ACTL6B: variants seen among roughly 807,000 people sequenced by gnomAD.
The protein encoded by ACTL6B is actin like 6B.
Under a neutral mutation model 63.3 loss-of-function variants are expected in ACTL6B, and 48 were observed. The ratio of observed to expected loss-of-function variants is 0.76; its 90% CI spans 0.60 to 0.96. The LOEUF (loss-of-function observed/expected upper bound fraction) is 0.96. Ranked by LOEUF, ACTL6B falls within the 50% of genes least tolerant of loss-of-function variation. The probability of loss-of-function intolerance (pLI) is 0.00; values close to 1 mark genes in which losing one functional copy is unlikely to be tolerated. For synonymous variants in ACTL6B, 230 were observed against 223.8 expected (o/e 1.03, Z -0.25); for missense variants, 350 against 572.2 (o/e 0.61, Z 3.96).
At position 100,655,889 on chromosome 7, in the gene ACTL6B, G is replaced by A. The variant is rs1804031244; in HGVS notation, c.26-10C>T. On this transcript the variant is annotated splice_polypyrimidine_tract_variant and intron_variant, in intron 1 of 13. Transcript: ENST00000160382. The surrounding 1 kb of genome is among the most constrained non-coding windows in gnomAD (Gnocchi z 4.4). ...AGCGCCCCCACCTCATCTGTGCGGG[G>A]AGACAGGCCTGTAAGGGGACCTCCC... The A allele has an allele frequency of 3.2e-6, 5 of 1,562,466 alleles. No individual in the cohort carries two copies. The highest frequency in any genetic ancestry group is 3.5e-6 in the Non-Finnish European group (4 of 1,153,048).
intron 1 of ACTL6B, 67 bp downstream of exon 1, chr7:100,656,263 A>G: frequency 7.3e-7 from 1 of 1,367,306 alleles, no homozygotes; most frequent in Non-Finnish European, 9.4e-7. Flanking sequence ...GGGTGCCCAG[A>G]GCTCGGATGG....
Position 100,650,082 on chromosome 7 carries a change from G to A in ACTL6B, c.423C>T (p.Tyr141=). 6.2e-7 allele frequency: 1 copy of A among 1,613,982 alleles called. No individual in the cohort carries two copies. Among genetic ancestry groups the A allele is most frequent in the Non-Finnish European group, 8.5e-7 (1 of 1,180,008 alleles). The change falls in exon 5 of 14, where the codon TAC becomes TAT. Residue 141 remains tyrosine (Y), a synonymous_variant. Transcript: ENST00000160382. ...TGCATAAGAAGAAGGCAGGAATGTTGTACTGCTCGAACATCAGCTCTGTCA... is the reference window on the plus strand; with the variant it reads ...TGCATAAGAAGAAGGCAGGAATGTTATACTGCTCGAACATCAGCTCTGTCA... The part of the protein sequence containing the change: ...EKLTELMFEQ[Y]NIPAFFLCKT...
intron 4 of ACTL6B, among the ~76,000 whole-genome samples, chr7:100,650,570 C>T (rs909021762): frequency 6.6e-6 from 1 of 152,104 alleles, no homozygotes; most frequent in African/African-American, 2.4e-5. Context: ...GACAGGGTGG[C>T]TTACGCCTAT....
At chr7:100,650,280 A>T (rs1031866512) in intron 4 of ACTL6B, 145 bp from the exon 5 acceptor site, 6 of 655,766 alleles carry the variant, frequency 9.1e-6, no homozygotes, top group African/African-American at 5.4e-5. Flanking sequence ...CAACCTAAAC[A>T]CTCACACATA....
Position 100,647,625 on chromosome 7 carries a change from GGCGCTGCA to G in ACTL6B, c.670-100_670-93del, listed in dbSNP as rs1397439016. 1.5e-5 allele frequency: 14 copies of G among 943,626 alleles called. No homozygotes were observed. In the African/African-American group the frequency reaches 2.1e-4, roughly 14 times the overall value. The allele number at this position is 943,626 out of a possible 1,614,324, so 58.5% of individuals were successfully genotyped here. ...ACTGTTCCCAGCTCTGCAGCTACCT[GGCGCTGCA>G]GGCTCTGCTGTGCTGCCTGCAAGAG... On this transcript the variant is annotated intron_variant, in intron 7 of 13. Coordinates refer to ENST00000160382, the MANE Select transcript of ACTL6B (RefSeq NM_016188.5). This position sits in a 1 kb window ranked among gnomAD's most constrained non-coding sequence, Gnocchi z 4.4.
chr7:100,656,183 C>G (rs560765712), intron 1 of ACTL6B, 147 bp downstream of exon 1: 219 of 1,013,666 alleles, frequency 2.2e-4, no homozygotes, highest in South Asian at 3.8e-4. Flanking sequence ...TGGGGAGGAC[C>G]GAGCGCAGGG....
chr7:100,648,920 C>G lies in ACTL6B; in HGVS notation c.468-97G>C. On this transcript the variant is annotated intron_variant, in intron 5 of 13. Coordinates refer to ENST00000160382, the MANE Select transcript of ACTL6B (RefSeq NM_016188.5). The surrounding 1 kb of genome is among the most constrained non-coding windows in gnomAD (Gnocchi z 4.4). ...CACTCTCTGCTCTACCGGGGTCCAG[C>G]CCATCCCCAGTCTGCAAATCTCTCC... is the stretch of plus-strand genomic sequence containing the variant. The G allele has an allele frequency of 8.2e-7, 1 of 1,218,666 alleles. No individual in the cohort carries two copies. Among genetic ancestry groups the G allele is most frequent in the Non-Finnish European group, 1.1e-6 (1 of 888,680 alleles). The allele number at this position is 1,218,666 out of a possible 1,614,324, so 75.5% of individuals were successfully genotyped here. A position where few individuals can be genotyped will look rare whatever the true frequency, so the allele number is the denominator to read the frequency against.
rs1451558454 is a variant in ACTL6B, at chr7:100,648,950, G to A, written c.468-127C>T. The A allele has an allele frequency of 3.6e-6, 3 of 843,492 alleles. No homozygotes were observed. In the East Asian group the frequency reaches 8.6e-5, roughly 24 times the overall value. The allele number at this position is 843,492 out of a possible 1,614,324, so 52.3% of individuals were successfully genotyped here. ...CCCCAGTCTGCAAATCTCTCCCCCTGGTGATGACTCATCTCCTGGAGAAAG... is the reference window on the plus strand; with the variant it reads ...CCCCAGTCTGCAAATCTCTCCCCCTAGTGATGACTCATCTCCTGGAGAAAG... On this transcript the variant is annotated intron_variant, in intron 5 of 13. Transcript: ENST00000160382. The surrounding 1 kb of genome is among the most constrained non-coding windows in gnomAD (Gnocchi z 4.4).
chr7:100,647,415 G>T lies in ACTL6B; in HGVS notation c.759+29C>A. 1 of 1,603,856 alleles carries T rather than the reference G, an allele frequency of 6.2e-7. No individual in the cohort carries two copies. The highest frequency in any genetic ancestry group is 8.5e-7 in the Non-Finnish European group (1 of 1,171,500). On this transcript the variant is annotated intron_variant, in intron 8 of 13. Transcript: ENST00000160382. The surrounding 1 kb of genome is among the most constrained non-coding windows in gnomAD (Gnocchi z 4.4). ...CCCCGATTCATGGCAGGGGAGGGGG[G>T]TTTCAGGTGGCCCTCTCCAGAGGCT...
chr7:100,643,471 C>T (rs1379663877), intron 13 of ACTL6B, 145 bp from the exon 14 acceptor site: 2 of 689,384 alleles, frequency 2.9e-6, no homozygotes, highest in Non-Finnish European at 5.2e-6. Context: ...CTCATCCTCC[C>T]CTCCTCGGTC....
chr7:100,653,330 C>T (rs755459484), intron 4 of ACTL6B, among the ~76,000 whole-genome samples: 3 of 152,054 alleles, frequency 2.0e-5, no homozygotes, highest in Non-Finnish European at 4.4e-5. Context: ...AATGTAAATA[C>T]TGAATACTGA....
intron 4 of ACTL6B, 44 bp downstream of exon 4, chr7:100,654,975 C>T: frequency 6.7e-7 from 1 of 1,501,658 alleles, no homozygotes. Flanking sequence ...GAAGGAGGTG[C>T]AGTGGAGATC....
rs1804017248 is a variant in ACTL6B at position 100,655,319 on chromosome 7, G to C, written c.268+102C>G. On this transcript the variant is annotated intron_variant, in intron 3 of 13. Coordinates refer to ENST00000160382, the MANE Select transcript of ACTL6B (RefSeq NM_016188.5). This position sits in a 1 kb window ranked among gnomAD's most constrained non-coding sequence, Gnocchi z 4.4. ...AACCCTGGCAGCCAGAAGAACCCTG[G>C]GGCTGCAAGGAAGACTCCGCGGGGA... 2 of 1,390,608 alleles carry C rather than the reference G, an allele frequency of 1.4e-6. No individual in the cohort carries two copies. Among genetic ancestry groups the C allele is most frequent in the Admixed American group, 4.0e-5 (2 of 49,480 alleles). The allele number at this position is 1,390,608 out of a possible 1,614,324, so 86.1% of individuals were successfully genotyped here. A position where few individuals can be genotyped will look rare whatever the true frequency, so the allele number is the denominator to read the frequency against.
At chr7:100,649,735 C>T (rs1252675897) in intron 5 of ACTL6B, among the ~76,000 whole-genome samples, 1 of 152,162 alleles carries the variant, frequency 6.6e-6, no homozygotes, top group Non-Finnish European at 1.5e-5. Context: ...AAGGGACTGC[C>T]GCAGTGTTCT....
In ACTL6B at chr7:100,646,795, C is replaced by T. The variant is rs1803830785; in HGVS notation, c.973G>A (p.Val325Met). 2 of 1,613,408 alleles carry T rather than the reference C, an allele frequency of 1.2e-6. No homozygotes were observed. The highest frequency in any genetic ancestry group is 1.7e-5 in the Admixed American group (1 of 59,972). ...CACATGCCGATGCTGGTGGTCACCA[C>T]GTGGCCCACACCCAACATGGTGTTC... ...SGNTMLGVGH[V>M]VTTSIGMCDI... The change falls in exon 11 of 14, where the codon GTG (valine) becomes ATG (methionine). Residue 325 changes from valine (V) to methionine (M), a missense_variant. Around this residue, in one of 3 missense-constraint regions of ACTL6B, gnomAD observed 24 missense variants for 81.4 expected, o/e 0.29. Coordinates refer to ENST00000160382, the MANE Select transcript of ACTL6B (RefSeq NM_016188.5). This position sits in a 1 kb window ranked among gnomAD's most constrained non-coding sequence, Gnocchi z 6.1.
Position 100,647,628 on chromosome 7 carries a change from G to T in ACTL6B, c.670-95C>A, listed in dbSNP as rs1584468442. 6 of 937,866 alleles carry T rather than the reference G, an allele frequency of 6.4e-6. No individual in the cohort carries two copies. In the Admixed American group the frequency reaches 1.5e-4, roughly 23 times the overall value. 58.1% of individuals were successfully genotyped at this position (937,866 alleles called of 1,614,324 possible). ...GTTCCCAGCTCTGCAGCTACCTGGC[G>T]CTGCAGGCTCTGCTGTGCTGCCTGC... On this transcript the variant is annotated intron_variant, in intron 7 of 13. Transcript: ENST00000160382. This position sits in a 1 kb window ranked among gnomAD's most constrained non-coding sequence, Gnocchi z 4.4.
rs779550102 is a variant in ACTL6B at position 100,647,507 on chromosome 7, T to TG, written c.695dup (p.Asn233LysfsTer17). The TG allele has an allele frequency of 1.8e-5, 29 of 1,608,366 alleles. No homozygotes were observed. Among genetic ancestry groups the TG allele is most frequent in the South Asian group, 1.1e-5 (1 of 89,886 alleles). ...GTAGCTTCTCCTTCTTCTTCCAGTT[T>TG]GGGGGGGCACCCTCCCGGACAGGCT... On this transcript the variant is annotated frameshift_variant, in exon 8 of 14. Transcript: ENST00000160382. LOFTEE classifies it high-confidence loss of function. This position sits in a 1 kb window ranked among gnomAD's most constrained non-coding sequence, Gnocchi z 4.4.
In ACTL6B at chr7:100,648,871, G is replaced by A. The variant is rs1409141747; in HGVS notation, c.468-48C>T. The A allele has an allele frequency of 6.4e-7, 1 of 1,566,314 alleles. No individual in the cohort carries two copies. Among genetic ancestry groups the A allele is most frequent in the South Asian group, 1.2e-5 (1 of 86,712 alleles). ...AAGAGACAGCAGCAGCAAGTGAGGGGCCTGGGCCCAGATCTTGTCTGGTCA... is the reference window on the plus strand; with the variant it reads ...AAGAGACAGCAGCAGCAAGTGAGGGACCTGGGCCCAGATCTTGTCTGGTCA... On this transcript the variant is annotated intron_variant, in intron 5 of 13. Coordinates refer to ENST00000160382, the MANE Select transcript of ACTL6B (RefSeq NM_016188.5). This position sits in a 1 kb window ranked among gnomAD's most constrained non-coding sequence, Gnocchi z 4.4.
At chr7:100,644,288 C>A (rs1264913948) in intron 13 of ACTL6B, among the ~76,000 whole-genome samples, 1 of 152,188 alleles carries the variant, frequency 6.6e-6, no homozygotes, top group Admixed American at 6.5e-5. Flanking sequence ...TCCACCTCAG[C>A]CTCCCATAAT....
Sources: allele counts gnomAD v4.1 joint callset (sites outside exome capture counted in the v4.1 genomes callset), GRCh38; gene constraint gnomAD v4.1.1; regional missense constraint gnomAD v4.1.1; non-coding constraint Gnocchi (gnomAD v3.1); transcripts MANE v1.5; gene names NCBI Gene and HGNC (gene_info 2026-07-23, HGNC 2026-07-21).